The following MAP4K4 variants were observed in gnomAD, a reference collection of about 807,000 sequenced individuals.
MAP4K4 encodes the protein HPK/GCK-like kinase HGK.
In MAP4K4, 38 loss-of-function variants were observed where a neutral mutation model predicts 189.6. The observed-to-expected ratio is 0.20, with a 90% CI of 0.15 to 0.26. MAP4K4 has a LOEUF of 0.26. Among genes scored for constraint, MAP4K4 ranks in the 10% least tolerant of loss-of-function variants. MAP4K4 has a pLI of 1.00. For synonymous variants in MAP4K4, 610 were observed against 624.3 expected, an observed-to-expected ratio of 0.98 and a Z score of 0.34; for missense variants, 1,054 against 1,726.9, an observed-to-expected ratio of 0.61 and a Z score of 6.91.
intron 3 of MAP4K4, among the ~76,000 whole-genome samples, chr2:101,820,154 A>G (rs1257067897): frequency 6.6e-6 from 1 of 152,180 alleles, no homozygotes; most frequent in Non-Finnish European, 1.5e-5. Flanking sequence ...ATATAAATGG[A>G]ACCTAGTCGA....
At chr2:101,880,214 T>G (rs1434022491) in intron 27 of MAP4K4, among the ~76,000 whole-genome samples, 1 of 152,194 alleles carries the variant, frequency 6.6e-6, no homozygotes, top group Non-Finnish European at 1.5e-5. Flanking sequence ...ACTTACTAGT[T>G]TTTTCTTTCA....
chr2:101,825,172 A>G, intron 4 of MAP4K4, 147 bp from the exon 5 acceptor site: 1 of 568,180 alleles, frequency 1.8e-6, no homozygotes. Context: ...ATGAGCTTTC[A>G]GTTATTTAGG....
At chr2:101,835,375 A>T (rs1329700338) in intron 8 of MAP4K4, among the ~76,000 whole-genome samples, 1 of 152,202 alleles carries the variant, frequency 6.6e-6, no homozygotes, top group African/African-American at 2.4e-5. Context: ...ACACACCTTT[A>T]TTGGGTGAGT....
At chr2:101,821,021 A>G (rs868596073) in intron 3 of MAP4K4, among the ~76,000 whole-genome samples, 15 of 152,196 alleles carry the variant, frequency 9.9e-5, no homozygotes, top group African/African-American at 3.1e-4. Flanking sequence ...GGTCTCAAAT[A>G]GAAGTGTTTT....
intron 12 of MAP4K4, among the ~76,000 whole-genome samples, chr2:101,853,816 A>G (rs987403537): frequency 6.6e-6 from 1 of 152,144 alleles, no homozygotes; most frequent in African/African-American, 2.4e-5. Flanking sequence ...AGAGTGTGGA[A>G]TGGGTCCTGT....
At chr2:101,851,384 T>G (rs1290447328) in intron 12 of MAP4K4, among the ~76,000 whole-genome samples, 1 of 152,338 alleles carries the variant, frequency 6.6e-6, no homozygotes, top group African/African-American at 2.4e-5. Flanking sequence ...TGAAGAAGCA[T>G]GTTCATTAAA....
At chr2:101,807,868 T>A (rs907528654) in intron 3 of MAP4K4, among the ~76,000 whole-genome samples, 1 of 152,198 alleles carries the variant, frequency 6.6e-6, no homozygotes, top group South Asian at 2.1e-4. Flanking sequence ...TCATGAGAAC[T>A]TCCTCACTGT....
Position 101,739,472 on chromosome 2 carries a change from G to C in MAP4K4, c.123+40934G>C, listed in dbSNP as rs150871728. On this transcript the variant is annotated intron_variant, in intron 2 of 32. Coordinates refer to ENST00000324219, the Ensembl canonical transcript of MAP4K4. Reference sequence around the variant, plus strand: ...GAAATACAGGCAGAGCATTACCTCTGTAATACTTGGTGTGCTGTGCTATGG... The same window carrying C: ...GAAATACAGGCAGAGCATTACCTCTCTAATACTTGGTGTGCTGTGCTATGG... Among the ~76,000 whole-genome samples the C allele has an allele frequency of 2.0e-5, 3 of 152,196 alleles. No homozygotes were observed. In the East Asian group the frequency reaches 5.8e-4, roughly 29 times the overall value.
intron 2 of MAP4K4, among the ~76,000 whole-genome samples, chr2:101,734,509 G>T (rs1419087460): frequency 6.6e-6 from 1 of 152,106 alleles, no homozygotes; most frequent in Admixed American, 6.5e-5. Flanking sequence ...ACATTCTTTC[G>T]TATCAGCAGA....
chr2:101,700,492 A>G (rs984543867), intron 2 of MAP4K4, among the ~76,000 whole-genome samples: 1 of 152,236 alleles, frequency 6.6e-6, no homozygotes, highest in Non-Finnish European at 1.5e-5. Context: ...AGTCCAGAAC[A>G]AAATAGTGCC....
chr2:101,811,475 T>TGGCTTTAC (rs1179400869), intron 3 of MAP4K4, among the ~76,000 whole-genome samples: 3 of 152,040 alleles, frequency 2.0e-5, no homozygotes, highest in African/African-American at 4.8e-5. Context: ...TCTTTTATGC[T>TGGCTTTAC]GGCTCTACGG....
intron 3 of MAP4K4, among the ~76,000 whole-genome samples, chr2:101,793,336 A>G (rs1269264992): frequency 1.3e-5 from 2 of 152,160 alleles, no homozygotes; most frequent in Admixed American, 6.5e-5. Flanking sequence ...TTGCTTATGG[A>G]TAGAGGGCCA....
At chr2:101,777,308 T>C (rs1236335470) in intron 2 of MAP4K4, among the ~76,000 whole-genome samples, 1 of 152,216 alleles carries the variant, frequency 6.6e-6, no homozygotes, top group African/African-American at 2.4e-5. Flanking sequence ...CCTGTTTTCA[T>C]AGCGGCACAC....
intron 12 of MAP4K4, among the ~76,000 whole-genome samples, chr2:101,849,020 C>T (rs538658972): frequency 1.3e-5 from 2 of 152,294 alleles, no homozygotes; most frequent in South Asian, 2.1e-4. Flanking sequence ...ATGTGTGTGA[C>T]TGTGCTCCCT....
intron 12 of MAP4K4, among the ~76,000 whole-genome samples, chr2:101,855,274 C>T (rs891811807): frequency 6.6e-6 from 1 of 152,212 alleles, no homozygotes; most frequent in Non-Finnish European, 1.5e-5. Flanking sequence ...GCTCTTCCAG[C>T]TGGGGGCTTG....
chr2:101,834,285 A>G, intron 7 of MAP4K4, 124 bp from the exon 8 acceptor site: 1 of 573,144 alleles, frequency 1.7e-6, no homozygotes. Flanking sequence ...ATGTGCTTGT[A>G]CTTTTAATTT....
intron 2 of MAP4K4, among the ~76,000 whole-genome samples, chr2:101,754,347 T>G (rs1189620168): frequency 2.6e-4 from 5 of 19,448 alleles, no homozygotes; most frequent in African/African-American, 5.6e-4. Flanking sequence ...TGCTGTTTTT[T>G]TTTTTTTTTT....
At chr2:101,746,408 T>C (rs1574783029) in intron 2 of MAP4K4, among the ~76,000 whole-genome samples, 1 of 152,216 alleles carries the variant, frequency 6.6e-6, no homozygotes, top group East Asian at 1.9e-4. Context: ...TTTTTCATGT[T>C]TTGTAAGTTT....
Position 101,887,970 on chromosome 2 carries a change from G to C in MAP4K4, c.3931+33G>C, listed in dbSNP as rs770581204. 2.6e-6 allele frequency: 4 copies of C among 1,547,384 alleles called. No homozygotes were observed. The African/African-American group carries it at 5.5e-5, about 21-fold the overall frequency. On this transcript the variant is annotated intron_variant, in intron 31 of 32. Coordinates refer to ENST00000324219, the Ensembl canonical transcript of MAP4K4. ...GAACTTGGGGAAAGGCAGCATTTGT[G>C]AAAATGGAGCCGTGTCTGAGACTCC...
Sources: allele counts gnomAD v4.1 joint callset (sites outside exome capture counted in the v4.1 genomes callset), GRCh38; gene constraint gnomAD v4.1.1; transcripts MANE v1.5; gene names NCBI Gene and HGNC (gene_info 2026-07-23, HGNC 2026-07-21).